AFG2A: variants seen among roughly 807,000 people sequenced by gnomAD.
The protein encoded by AFG2A is AAA ATPase AFG2A.
chr4:123,023,806 C>T, the AFG2A span, among the ~76,000 whole-genome samples: 1 of 152,068 alleles, frequency 6.6e-6, no homozygotes, highest in East Asian at 1.9e-4. Flanking sequence ...GCCAGCTACC[C>T]TGCACTGTAC....
chr4:123,182,630 C>T, the AFG2A span, among the ~76,000 whole-genome samples: 1 of 152,192 alleles, frequency 6.6e-6, no homozygotes, highest in East Asian at 1.9e-4. Context: ...TGCATTTGCT[C>T]CATTCCCTCA....
chr4:123,002,617 A>C, the AFG2A span, among the ~76,000 whole-genome samples: 2 of 152,192 alleles, frequency 1.3e-5, no homozygotes, highest in Non-Finnish European at 2.9e-5. Flanking sequence ...TTCTTTAAGA[A>C]TGTTGAATAT....
chr4:123,307,560 T>C, the AFG2A span, among the ~76,000 whole-genome samples: 2 of 152,252 alleles, frequency 1.3e-5, no homozygotes, highest in South Asian at 4.1e-4. Flanking sequence ...ACCTCATTTT[T>C]CCAAAGCTTA....
chr4:123,285,863 A>G, the AFG2A span, among the ~76,000 whole-genome samples: 110,753 of 152,044 alleles, frequency 0.73, 41,424 homozygotes, highest in Non-Finnish European at 0.81. Context: ...CTACCACATT[A>G]GATTGTTGGA....
At chr4:122,937,883 A>G in the AFG2A span, among the ~76,000 whole-genome samples, 1 of 152,188 alleles carries the variant, frequency 6.6e-6, no homozygotes, top group East Asian at 1.9e-4. Flanking sequence ...TCTTTTAAGC[A>G]GCATACTCTA....
chr4:123,073,183 A>T, the AFG2A span, among the ~76,000 whole-genome samples: 319 of 151,596 alleles, frequency 2.1e-3, 1 homozygote, highest in Middle Eastern at 0.01. Flanking sequence ...TTTTTTTTTA[A>T]ACTGAAAAAA....
chr4:123,261,205 C>T, the AFG2A span, among the ~76,000 whole-genome samples: 1 of 152,106 alleles, frequency 6.6e-6, no homozygotes, highest in East Asian at 1.9e-4. Context: ...TCAGAAACTG[C>T]CCTATGAAAA....
the AFG2A span, among the ~76,000 whole-genome samples, chr4:123,108,385 A>T: frequency 7.4e-5 from 11 of 148,834 alleles, no homozygotes; most frequent in East Asian, 3.9e-4. Context: ...AAATGTACTT[A>T]AAAAAAAAAG....
At chr4:123,088,136 A>T in the AFG2A span, among the ~76,000 whole-genome samples, 1 of 151,994 alleles carries the variant, frequency 6.6e-6, no homozygotes, top group East Asian at 1.9e-4. Flanking sequence ...ATACATTTTC[A>T]CTTTACTGTT....
chr4:123,039,733 A>G, the AFG2A span, among the ~76,000 whole-genome samples: 1 of 151,842 alleles, frequency 6.6e-6, no homozygotes. Context: ...ATAGGGCTGT[A>G]AAAATGATTG....
the AFG2A span, among the ~76,000 whole-genome samples, chr4:123,165,162 G>T: frequency 6.6e-6 from 1 of 152,072 alleles, no homozygotes; most frequent in Non-Finnish European, 1.5e-5. Flanking sequence ...GAAATGTCCA[G>T]CTAAGGAAAA....
chr4:123,279,203 G>A, the AFG2A span, among the ~76,000 whole-genome samples: 2 of 152,146 alleles, frequency 1.3e-5, no homozygotes, highest in Non-Finnish European at 1.5e-5. Context: ...ATCACCTTAG[G>A]TCAGGAATTC....
the AFG2A span, among the ~76,000 whole-genome samples, chr4:123,112,897 G>A: frequency 0.013 from 2,011 of 152,122 alleles, 15 homozygotes; most frequent in Non-Finnish European, 0.02. Flanking sequence ...TGGATTTGGA[G>A]GGCAATTTGA....
chr4:122,927,097 C>G, the AFG2A span, among the ~76,000 whole-genome samples: 1 of 152,134 alleles, frequency 6.6e-6, no homozygotes, highest in Non-Finnish European at 1.5e-5. Flanking sequence ...TCTGGACCCC[C>G]TTTTTCAGCC....
the AFG2A span, among the ~76,000 whole-genome samples, chr4:123,047,560 T>C: frequency 6.6e-6 from 1 of 152,312 alleles, no homozygotes; most frequent in South Asian, 2.1e-4. Context: ...GCAGACACTG[T>C]TGAGGTAATT....
At chr4:123,246,895 C>T in the AFG2A span, among the ~76,000 whole-genome samples, 8 of 152,136 alleles carry the variant, frequency 5.3e-5, no homozygotes, top group East Asian at 1.9e-4. Flanking sequence ...ATTTAAAGCC[C>T]GGCTCATTTG....
chr4:122,954,320 A>G, the AFG2A span, among the ~76,000 whole-genome samples: 2 of 151,960 alleles, frequency 1.3e-5, no homozygotes, highest in South Asian at 4.2e-4. Flanking sequence ...TCCTGAACCC[A>G]CCTTCTGCCC....
chr4:122,935,967 A>C, the AFG2A span: 1 of 1,320,242 alleles, frequency 7.6e-7, no homozygotes, highest in Non-Finnish European at 1.0e-6. Context: ...CTTCTTAATA[A>C]AAATTGTTTG....
chr4:123,256,569 C>A, the AFG2A span: 1 of 427,910 alleles, frequency 2.3e-6, no homozygotes, highest in African/African-American at 2.2e-5. Context: ...CCTCCTGTTT[C>A]CTCATGGAGA....
Sources: allele counts gnomAD v4.1 joint callset (sites outside exome capture counted in the v4.1 genomes callset), GRCh38; gene constraint gnomAD v4.1.1; transcripts MANE v1.5; gene names NCBI Gene and HGNC (gene_info 2026-07-23, HGNC 2026-07-21).